The following ACACA variants were observed in gnomAD, a reference collection of about 807,000 sequenced individuals.
ACACA encodes the protein acetyl-CoA carboxylase alpha.
Under a neutral mutation model 296.1 loss-of-function variants are expected in ACACA, and 103 were observed. That is an observed-to-expected ratio of 0.35 (90% CI 0.30 to 0.41). ACACA has a LOEUF of 0.41. Ranked by LOEUF, ACACA falls within the 10% of genes least tolerant of loss-of-function variation. The pLI is 1.00. For synonymous variants in ACACA, 953 were observed against 1,038.6 expected, an observed-to-expected ratio of 0.92 and a Z score of 1.58; for missense variants, 1,554 against 2,989.7, an observed-to-expected ratio of 0.52 and a Z score of 11.20.
intron 52 of ACACA, among the ~76,000 whole-genome samples, chr17:37,105,332 T>G (rs900869610): frequency 1.3e-5 from 2 of 152,112 alleles, no homozygotes; most frequent in African/African-American, 2.4e-5. Context: ...TTTAAAAAAG[T>G]TATACTTGGT....
intron 41 of ACACA, chr17:37,162,564 G>A (rs532955112): frequency 3.9e-5 from 10 of 259,412 alleles, no homozygotes; most frequent in African/African-American, 1.6e-4. Context: ...AGATCTGGTT[G>A]TTTGAAAGAG....
intron 1 of ACACA, among the ~76,000 whole-genome samples, chr17:37,395,371 G>A (rs866962841): frequency 5.3e-5 from 8 of 150,840 alleles, no homozygotes; most frequent in South Asian, 2.1e-4. Flanking sequence ...CTGAGGTTGC[G>A]GTGAGCTGAG....
intron 6 of ACACA, 51 bp from the exon 7 acceptor site, chr17:37,277,165 A>G: frequency 6.6e-7 from 1 of 1,504,446 alleles, no homozygotes; most frequent in Non-Finnish European, 9.3e-7. Flanking sequence ...CAAAACCCCC[A>G]CAAACTGCAA....
intron 14 of ACACA, among the ~76,000 whole-genome samples, chr17:37,255,727 G>C (rs905664099): frequency 1.3e-5 from 2 of 152,076 alleles, no homozygotes; most frequent in African/African-American, 4.8e-5. Context: ...CACAAAACTA[G>C]CTGTTTTTTG....
chr17:37,141,029 T>C, intron 45 of ACACA: 1 of 411,948 alleles, frequency 2.4e-6, no homozygotes, highest in South Asian at 2.0e-5. Flanking sequence ...GCCCCATGGA[T>C]GGCAGTGGCC....
At chr17:37,302,941 A>C (rs2083699557) in intron 3 of ACACA, among the ~76,000 whole-genome samples, 2 of 152,204 alleles carry the variant, frequency 1.3e-5, no homozygotes, top group Admixed American at 6.5e-5. Context: ...AATAAATTTA[A>C]GGACATTTTC....
At chr17:37,089,979 T>C (rs1226857487) in intron 54 of ACACA, among the ~76,000 whole-genome samples, 1 of 152,230 alleles carries the variant, frequency 6.6e-6, no homozygotes, top group African/African-American at 2.4e-5. Context: ...AAGCTTGTCA[T>C]TTAAAGGTGC....
chr17:37,167,270 C>CTTTTT (rs11387933), intron 41 of ACACA, among the ~76,000 whole-genome samples: 1 of 105,556 alleles, frequency 9.5e-6, no homozygotes, highest in Non-Finnish European at 1.9e-5. Flanking sequence ...ATGGTATTTT[C>CTTTTT]TTTTTTTTTT....
At chr17:37,381,949 G>T (rs2147749732) in intron 1 of ACACA, among the ~76,000 whole-genome samples, 1 of 152,052 alleles carries the variant, frequency 6.6e-6, no homozygotes. Context: ...TATTCTACTA[G>T]CCCCCTATTG....
At chr17:37,400,598 A>G (rs1214784321) in intron 1 of ACACA, among the ~76,000 whole-genome samples, 2 of 152,154 alleles carry the variant, frequency 1.3e-5, no homozygotes, top group African/African-American at 2.4e-5. Flanking sequence ...GATGCCACAC[A>G]TAAGTGAGAT....
Position 37,098,772 on chromosome 17 carries a change from C to T in ACACA, c.6566-788G>A, listed in dbSNP as rs142044465. Among the ~76,000 whole-genome samples the T allele has an allele frequency of 2.0e-4, 31 of 152,338 alleles. 2 individuals are homozygous for T. The East Asian group carries it at 5.4e-3, about 27-fold the overall frequency. On this transcript the variant is annotated intron_variant, in intron 52 of 55. Transcript: ENST00000616317. The stretch of plus-strand genomic sequence containing the variant: ...TTGGCAAACCTCATTTGGATCACTG[C>T]GCACGGTACCCTGACTCAACAGACA...
chr17:37,365,440 T>C, intron 1 of ACACA: 1 of 985,374 alleles, frequency 1.0e-6, no homozygotes, highest in African/African-American at 1.7e-5. Flanking sequence ...ATTAGCTCTG[T>C]ACCTGAGAGG....
rs776955803 is a variant in ACACA, at chr17:37,330,344, A to C, written c.167T>G (p.Phe56Cys). Residue 56 changes from phenylalanine (F) to cysteine (C), a missense_variant, in exon 3 of 56, where the codon TTC (phenylalanine) becomes TGC (cysteine). Around this residue, in one of 16 missense-constraint regions of ACACA, gnomAD observed 140 missense variants for 147.7 expected, o/e 0.95. Transcript: ENST00000616317. Reference protein sequence around the residue: ...QPLELNQHSRFIIGSVSEDNS... With the variant: ...QPLELNQHSRCIIGSVSEDNS... ...ATCTTCAGACACAGAACCTATTATGAATCGAGAGTGCTGGTTCAGCTCCAG... is the reference window on the plus strand; with the variant it reads ...ATCTTCAGACACAGAACCTATTATGCATCGAGAGTGCTGGTTCAGCTCCAG... 1 of 1,614,218 alleles carries C rather than the reference A, an allele frequency of 6.2e-7. No individual in the cohort carries two copies. The highest frequency in any genetic ancestry group is 8.5e-7 in the Non-Finnish European group (1 of 1,180,038).
intron 1 of ACACA, chr17:37,387,582 G>C (rs2147782345): frequency 6.6e-6 from 1 of 151,786 alleles, no homozygotes; most frequent in African/African-American, 2.4e-5. Context: ...GAGTAGCTGG[G>C]ACAACAGGCA....
chr17:37,133,153 T>C (rs546597833), intron 45 of ACACA, among the ~76,000 whole-genome samples: 6 of 152,172 alleles, frequency 3.9e-5, no homozygotes, highest in African/African-American at 1.2e-4. Flanking sequence ...CCAATATCAC[T>C]CTCTGACCAG....
intron 16 of ACACA, among the ~76,000 whole-genome samples, chr17:37,251,541 G>A (rs535733696): frequency 1.3e-5 from 2 of 152,310 alleles, no homozygotes; most frequent in Non-Finnish European, 1.5e-5. Flanking sequence ...ATCAGCAATA[G>A]AAATTAGTTT....
At chr17:37,143,582 C>T (rs2075689831) in intron 45 of ACACA, 1 of 684,592 alleles carries the variant, frequency 1.5e-6, no homozygotes, top group East Asian at 3.5e-5. Flanking sequence ...AATTCTTACA[C>T]AGCCTTACAT....
rs1287812341 is a variant in ACACA at position 37,243,463 on chromosome 17, T to C, written c.2839A>G (p.Ile947Val). Residue 947 changes from isoleucine to valine, a missense_variant, in exon 22 of 56, where the codon ATT becomes GTT. Ile to Val is a conservative substitution (Grantham distance 29). Transcript: ENST00000616317. ...QDIMTSVSGRIPPNVEKSIKK... is the reference protein window; with the variant it reads ...QDIMTSVSGRVPPNVEKSIKK... ...ATAGACTTCTCCACATTGGGGGGAA[T>C]GCGGCCAGACACACTGGTCATAATA... 6.2e-7 allele frequency: 1 copy of C among 1,614,070 alleles called. No homozygotes were observed. Among genetic ancestry groups the C allele is most frequent in the South Asian group, 1.1e-5 (1 of 91,074 alleles).
chr17:37,254,655 A>G (rs537727860), intron 14 of ACACA, among the ~76,000 whole-genome samples: 1 of 152,270 alleles, frequency 6.6e-6, no homozygotes, highest in East Asian at 1.9e-4. Flanking sequence ...CAGAACCAGT[A>G]GATAGCAGAT....
Sources: gnomAD v4.1 joint callset for allele counts (sites outside exome capture counted in the v4.1 genomes callset) on GRCh38, gnomAD v4.1.1 for gene constraint, gnomAD v4.1.1 regional missense constraint, MANE v1.5 for transcripts, NCBI Gene and HGNC (gene_info 2026-07-23, HGNC 2026-07-21) for gene names.